SP100: variants seen among roughly 807,000 people sequenced by gnomAD.
The protein encoded by SP100 is nuclear autoantigen Sp-100.
Under a neutral mutation model 130.0 loss-of-function variants are expected in SP100, and 84 were observed. The ratio of observed to expected loss-of-function variants is 0.65; its 90% confidence interval spans 0.54 to 0.77. The LOEUF is 0.77. Ranked by LOEUF, SP100 falls within the 30% of genes least tolerant of loss-of-function variation. SP100 has a pLI of 0.00. For missense variants in SP100, 978 were observed against 1,052.2 expected (o/e 0.93, Z 0.97); for synonymous variants, 331 against 351.7 (o/e 0.94, Z 0.66).
intron 2 of SP100, among the ~76,000 whole-genome samples, chr2:230,433,398 T>G (rs1237282366): frequency 6.6e-6 from 1 of 152,176 alleles, no homozygotes; most frequent in Non-Finnish European, 1.5e-5. Context: ...TCATGCAGCT[T>G]TATAGTAAGT....
At chr2:230,418,018 C>G (rs2062661103) in intron 2 of SP100, among the ~76,000 whole-genome samples, 1 of 152,092 alleles carries the variant, frequency 6.6e-6, no homozygotes, top group South Asian at 2.1e-4. Flanking sequence ...TCTGTGAGCA[C>G]TCTTAGTTTT....
intron 2 of SP100, among the ~76,000 whole-genome samples, chr2:230,422,542 CT>C (rs1405666807): frequency 6.6e-6 from 1 of 152,200 alleles, no homozygotes; most frequent in Non-Finnish European, 1.5e-5. Flanking sequence ...TCAGCTTCCC[CT>C]AAGCAAGTAA....
chr2:230,461,424 A>G lies in SP100; in HGVS notation c.973+10A>G. 6.2e-7 allele frequency: 1 copy of G among 1,613,872 alleles called. No individual in the cohort carries two copies. The highest frequency in any genetic ancestry group is 1.3e-5 in the African/African-American group (1 of 75,028). ...GCATCTGACATAATAGGTAAGGCTG[A>G]CTGGGAGAGTTTGTAACTGTGAGTC... On this transcript the variant is annotated intron_variant, in intron 9 of 28. Coordinates refer to ENST00000340126, the MANE Select transcript of SP100 (RefSeq NM_001080391.2).
chr2:230,489,187 C>T (rs2066268749), intron 17 of SP100, among the ~76,000 whole-genome samples: 1 of 152,154 alleles, frequency 6.6e-6, no homozygotes, highest in African/African-American at 2.4e-5. Flanking sequence ...TAATTACTGC[C>T]TCAATTTCAG....
intron 8 of SP100, among the ~76,000 whole-genome samples, chr2:230,453,251 G>T (rs1055739648): frequency 6.6e-6 from 1 of 152,188 alleles, no homozygotes; most frequent in African/African-American, 2.4e-5. Context: ...TGTGAGAACA[G>T]CATTGAGGTA....
chr2:230,461,506 G>C, intron 9 of SP100, 92 bp downstream of exon 9: 1 of 1,311,664 alleles, frequency 7.6e-7, no homozygotes, highest in Non-Finnish European at 1.1e-6. Flanking sequence ...GGGCAGTGCA[G>C]GTAGCCTGGG....
chr2:230,513,388 G>A (rs530909101), intron 24 of SP100, among the ~76,000 whole-genome samples: 20 of 152,326 alleles, frequency 1.3e-4, no homozygotes, highest in Admixed American at 9.1e-4. Context: ...AGAGACTCAT[G>A]ATAAGATTCA....
intron 24 of SP100, among the ~76,000 whole-genome samples, chr2:230,518,383 AT>A (rs1254106987): frequency 6.6e-6 from 1 of 151,878 alleles, no homozygotes; most frequent in Non-Finnish European, 1.5e-5. Flanking sequence ...ATTAATTAGA[AT>A]GTTTAAACTT....
chr2:230,522,925 C>T (rs1438899209), intron 24 of SP100, among the ~76,000 whole-genome samples: 1 of 152,102 alleles, frequency 6.6e-6, no homozygotes, highest in Non-Finnish European at 1.5e-5. Flanking sequence ...AGTGATTCTC[C>T]TGCCTCAGCC....
chr2:230,474,993 A>G (rs958984159), intron 17 of SP100, among the ~76,000 whole-genome samples: 4 of 151,942 alleles, frequency 2.6e-5, no homozygotes, highest in African/African-American at 9.7e-5. Context: ...TATAAGGAAC[A>G]TATGAGTGCG....
At chr2:230,466,003 A>G (rs1303563962) in intron 11 of SP100, among the ~76,000 whole-genome samples, 2 of 151,794 alleles carry the variant, frequency 1.3e-5, no homozygotes, top group African/African-American at 2.4e-5. Context: ...TGACCAACAC[A>G]GTGAAACCCC....
intron 23 of SP100, chr2:230,510,197 A>G (rs1217427581): frequency 6.6e-6 from 1 of 152,634 alleles, no homozygotes; most frequent in Non-Finnish European, 1.5e-5. Flanking sequence ...TTTAGCAGTC[A>G]TTGTTTCATT....
rs836237 is a variant in SP100, at chr2:230,541,965, T to C, written c.2477T>C (p.Met826Thr). 0.83 allele frequency: 1,333,213 copies of C among 1,613,772 alleles called. 556,050 individuals carry two copies. Among genetic ancestry groups the C allele is most frequent in the Middle Eastern group, 0.91 (5,503 of 6,062 alleles). ...GTCAAGACAAGTTTGAATGAGCAGA[T>C]GTACACCCGAGTAGAAGGGTTTGTG... The part of the protein sequence containing the change: ...NKVKTSLNEQ[M>T]YTRVEGFVQD... Residue 826 changes from methionine (M) to threonine (T), a missense_variant, in exon 28 of 29, where the codon ATG (methionine) becomes ACG (threonine). By Grantham distance (81) the Met-to-Thr change is moderately conservative. Transcript: ENST00000340126.
chr2:230,450,402 G>A lies in SP100; in HGVS notation c.820+147G>A, dbSNP rs570857121. 5.3e-5 allele frequency: 33 copies of A among 617,312 alleles called. No homozygotes were observed. The South Asian group carries it at 6.0e-4, about 11-fold the overall frequency. 38.2% of individuals were successfully genotyped at this position (617,312 alleles called of 1,614,324 possible). On this transcript the variant is annotated intron_variant, in intron 8 of 28. Transcript: ENST00000340126. The stretch of plus-strand genomic sequence containing the variant: ...AAGCTGGATGTATTTATCATTACAT[G>A]TTGTTTTGAAATATGTACACATTGT...
chr2:230,499,711 C>T (rs916032879), intron 19 of SP100, among the ~76,000 whole-genome samples: 3 of 151,744 alleles, frequency 2.0e-5, no homozygotes, highest in Non-Finnish European at 4.4e-5. Context: ...CCCCTGCTGG[C>T]TCCCAGCTCA....
intron 15 of SP100, among the ~76,000 whole-genome samples, chr2:230,472,881 C>T (rs1168437233): frequency 6.6e-6 from 1 of 152,162 alleles, no homozygotes; most frequent in Admixed American, 6.6e-5. Context: ...TCAGTCACCA[C>T]CCACAACCTC....
At position 230,447,888 on chromosome 2, in the gene SP100, C is replaced by A. The variant is rs181842717; in HGVS notation, c.523+986C>A. Among the ~76,000 whole-genome samples the A allele has an allele frequency of 3.8e-3, 574 of 152,286 alleles. 1 individual carries two copies. The highest frequency in any genetic ancestry group is 6.5e-3 in the Non-Finnish European group (444 of 68,026). Reference sequence around the variant, plus strand: ...CAAGAGGTGGAGCTGAAAGTTCCACCCCTCTAATCTCATGTTCAGCTCCCC... The same window carrying A: ...CAAGAGGTGGAGCTGAAAGTTCCACACCTCTAATCTCATGTTCAGCTCCCC... On this transcript the variant is annotated intron_variant, in intron 5 of 28. Coordinates refer to ENST00000340126, the MANE Select transcript of SP100 (RefSeq NM_001080391.2).
intron 3 of SP100, 87 bp downstream of exon 3, chr2:230,443,186 C>A: frequency 7.5e-7 from 1 of 1,337,148 alleles, no homozygotes; most frequent in Non-Finnish European, 1.0e-6. Context: ...CTTCAGGGTA[C>A]AATTTGCTAA....
intron 2 of SP100, among the ~76,000 whole-genome samples, chr2:230,433,586 A>C (rs1386603901): frequency 6.6e-6 from 1 of 152,114 alleles, no homozygotes; most frequent in African/African-American, 2.4e-5. Context: ...TTTGGAGAGA[A>C]TTACCATGTT....
Sources: allele counts gnomAD v4.1 joint callset (sites outside exome capture counted in the v4.1 genomes callset), GRCh38; gene constraint gnomAD v4.1.1; transcripts MANE v1.5; gene names NCBI Gene and HGNC (gene_info 2026-07-23, HGNC 2026-07-21).